Variants in ATP8B4 observed in about 807,000 individuals in gnomAD.
ATP8B4 encodes ATPase phospholipid transporting 8B4 (putative).
A neutral mutation model predicts 145.6 loss-of-function variants in ATP8B4; 133 were observed. The ratio of observed to expected loss-of-function variants is 0.91; its 90% CI spans 0.79 to 1.05. ATP8B4 has a LOEUF of 1.05. Ranked by LOEUF, ATP8B4 falls within the 50% of genes least tolerant of loss-of-function variation. ATP8B4 has a pLI of 0.00. For missense variants in ATP8B4, 1,458 were observed against 1,425.2 expected (o/e 1.02, Z -0.37); for synonymous variants, 507 against 492.9 (o/e 1.03, Z -0.38).
chr15:50,166,487 AC>A (rs1463632836), intron 1 of ATP8B4, among the ~76,000 whole-genome samples: 1 of 152,186 alleles, frequency 6.6e-6, no homozygotes, highest in African/African-American at 2.4e-5. Flanking sequence ...GAAACTGCCA[AC>A]CCTCTACTGG....
chr15:50,131,440 A>T (rs929110332), intron 1 of ATP8B4, among the ~76,000 whole-genome samples: 3 of 152,168 alleles, frequency 2.0e-5, no homozygotes, highest in Non-Finnish European at 4.4e-5. Flanking sequence ...TTTGAACCTG[A>T]CAGTCTGGTT....
At chr15:50,024,139 C>T (rs78955628) in intron 6 of ATP8B4, among the ~76,000 whole-genome samples, 9,924 of 152,256 alleles carry the variant, frequency 0.065, 359 homozygotes, top group Non-Finnish European at 0.085. Flanking sequence ...GACCCCAAAA[C>T]TTATTTCTAA....
chr15:49,955,912 T>G (rs1815422933), intron 14 of ATP8B4, among the ~76,000 whole-genome samples: 2 of 152,114 alleles, frequency 1.3e-5, no homozygotes, highest in Admixed American at 1.3e-4. Context: ...AGAGTTTCAG[T>G]CATGCAACAT....
intron 1 of ATP8B4, among the ~76,000 whole-genome samples, chr15:50,124,672 C>A (rs914725478): frequency 2.0e-5 from 3 of 152,178 alleles, no homozygotes; most frequent in Admixed American, 6.5e-5. Context: ...CAGCTCCTGA[C>A]AGTGATCTGG....
intron 5 of ATP8B4, among the ~76,000 whole-genome samples, chr15:50,043,675 C>T (rs1046737632): frequency 2.0e-4 from 31 of 152,212 alleles, no homozygotes; most frequent in African/African-American, 5.8e-4. Context: ...CAGTGTAGGC[C>T]GGGCGCGGTG....
intron 2 of ATP8B4, among the ~76,000 whole-genome samples, chr15:50,106,058 A>G (rs538655145): frequency 1.3e-5 from 2 of 152,338 alleles, no homozygotes; most frequent in African/African-American, 4.8e-5. Flanking sequence ...GCTCATTATG[A>G]GACTAAATGT....
intron 3 of ATP8B4, among the ~76,000 whole-genome samples, chr15:50,065,317 A>G (rs535111099): frequency 1.3e-5 from 2 of 152,340 alleles, no homozygotes; most frequent in South Asian, 4.1e-4. Context: ...ACATGAAGTT[A>G]AGATCACCTT....
At chr15:49,921,236 A>C (rs1433620380) in intron 17 of ATP8B4, among the ~76,000 whole-genome samples, 2 of 152,208 alleles carry the variant, frequency 1.3e-5, no homozygotes, top group Non-Finnish European at 2.9e-5. Context: ...TATCTTAATA[A>C]TAACAAATTG....
intron 1 of ATP8B4, among the ~76,000 whole-genome samples, chr15:50,161,125 A>G (rs889598681): frequency 2.0e-5 from 3 of 151,966 alleles, no homozygotes; most frequent in African/African-American, 7.2e-5. Flanking sequence ...TTATATAGTG[A>G]CCTTCTTTGT....
At chr15:49,902,440 T>TAAAAA (rs2038138932) in intron 20 of ATP8B4, among the ~76,000 whole-genome samples, 2 of 152,156 alleles carry the variant, frequency 1.3e-5, no homozygotes, top group Admixed American at 6.5e-5. Context: ...AGTTTAAAAA[T>TAAAAA]AAAAATGATA....
intron 9 of ATP8B4, among the ~76,000 whole-genome samples, chr15:49,990,125 G>A (rs1040638892): frequency 9.9e-5 from 15 of 152,108 alleles, no homozygotes; most frequent in African/African-American, 3.4e-4. Flanking sequence ...AATCTAAAGG[G>A]AGTCGAGTAG....
intron 2 of ATP8B4, among the ~76,000 whole-genome samples, chr15:50,091,584 T>C (rs2055614619): frequency 6.6e-6 from 1 of 152,200 alleles, no homozygotes; most frequent in South Asian, 2.1e-4. Flanking sequence ...TATTTTTCAC[T>C]GTAGTTTGAA....
intron 3 of ATP8B4, among the ~76,000 whole-genome samples, chr15:50,066,274 C>G (rs2053377170): frequency 6.6e-6 from 1 of 152,066 alleles, no homozygotes; most frequent in Non-Finnish European, 1.5e-5. Context: ...ATATTAACAG[C>G]ACACAAAACA....
At chr15:50,026,549 G>A (rs1387568263) in intron 6 of ATP8B4, among the ~76,000 whole-genome samples, 1 of 152,226 alleles carries the variant, frequency 6.6e-6, no homozygotes, top group African/African-American at 2.4e-5. Flanking sequence ...GCAGCCGAGA[G>A]CACCTGCTCT....
chr15:50,122,858 T>C (rs985150464), upstream of ATP8B4, among the ~76,000 whole-genome samples: 9 of 152,150 alleles, frequency 5.9e-5, no homozygotes, highest in Non-Finnish European at 2.9e-5. Context: ...ATTGTGTAAA[T>C]TACTCACCCA....
chr15:49,874,209 T>C lies in ATP8B4; in HGVS notation c.3027+2069A>G, dbSNP rs143966827. On this transcript the variant is annotated intron_variant, in intron 25 of 27. Coordinates refer to ENST00000284509, the MANE Select transcript of ATP8B4 (RefSeq NM_024837.4). ...GACATTAAACGAGAGAACACACCAC[T>C]AAATTTGTACTTACAAGGGGAGATG... Among the ~76,000 whole-genome samples, 232 of 152,278 alleles carry C rather than the reference T, an allele frequency of 1.5e-3. 1 individual carries two copies. Among genetic ancestry groups the C allele is most frequent in the African/African-American group, 5.4e-3 (223 of 41,550 alleles).
chr15:50,072,960 CTCTCTCTCTCTCTCTCTCTCTATATA>C (rs1254903766), intron 3 of ATP8B4, among the ~76,000 whole-genome samples: 2 of 33,296 alleles, frequency 6.0e-5, no homozygotes, highest in East Asian at 1.1e-3. Context: ...CTCTCTCTCT[CTCTCTCTCTCTCTCTCTCTCTATATA>C]TATATATATA....
chr15:49,862,488 C>G, intron 26 of ATP8B4, 113 bp from the exon 27 acceptor site: 1 of 1,238,816 alleles, frequency 8.1e-7, no homozygotes, highest in South Asian at 1.5e-5. Flanking sequence ...GAGTCTTGCT[C>G]TGTCTTCCAG....
chr15:49,902,161 A>G (rs1416691760), intron 20 of ATP8B4: 4 of 156,146 alleles, frequency 2.6e-5, no homozygotes, highest in African/African-American at 7.2e-5. Context: ...AGAAGCTTCA[A>G]CCACGACCAG....
Sources: gnomAD v4.1 joint callset for allele counts (sites outside exome capture counted in the v4.1 genomes callset) on GRCh38, gnomAD v4.1.1 for gene constraint, MANE v1.5 for transcripts, NCBI Gene and HGNC (gene_info 2026-07-23, HGNC 2026-07-21) for gene names.